The following ETNPPL variants were observed in gnomAD, a reference collection of about 807,000 sequenced individuals.
ETNPPL encodes the protein alanine--glyoxylate aminotransferase 2-like 1.
In ETNPPL, 30 loss-of-function variants were observed where a neutral mutation model predicts 55.5. The observed-to-expected ratio is 0.54, with a 90% confidence interval of 0.40 to 0.73. The LOEUF is 0.73. Ranked by LOEUF, ETNPPL falls within the 30% of genes least tolerant of loss-of-function variation. The pLI, the probability that ETNPPL is intolerant of heterozygous loss-of-function variation, is 0.00. For synonymous variants in ETNPPL, 202 were observed against 207.2 expected (o/e 0.98, Z 0.21); for missense variants, 528 against 607.9 (o/e 0.87, Z 1.38).
intron 12 of ETNPPL, 48 bp downstream of exon 12, chr4:108,743,741 C>A: frequency 2.3e-6 from 3 of 1,319,120 alleles, no homozygotes; most frequent in Non-Finnish European, 3.3e-6. Context: ...TTTAAACATT[C>A]CCCAAATTTT....
intron 11 of ETNPPL, among the ~76,000 whole-genome samples, chr4:108,744,798 T>C: frequency 6.9e-6 from 1 of 144,006 alleles, no homozygotes; most frequent in Non-Finnish European, 1.5e-5. Context: ...CACTGCAACC[T>C]CTGCCTTGCA....
Position 108,756,507 on chromosome 4 carries a change from T to G in ETNPPL, c.336-15A>C, listed in dbSNP as rs778445209. On this transcript the variant is annotated splice_polypyrimidine_tract_variant and intron_variant, in intron 3 of 12. Coordinates refer to ENST00000296486, the MANE Select transcript of ETNPPL (RefSeq NM_031279.4). ...TGGCTTCGGATCTATTAAGATAACA[T>G]AGAGAGAGAGGACACTGTGACAGTC... is the stretch of plus-strand genomic sequence containing the variant. The G allele has an allele frequency of 8.4e-5, 134 of 1,601,074 alleles. No individual in the cohort carries two copies. Among genetic ancestry groups the G allele is most frequent in the Admixed American group, 3.2e-4 (19 of 59,954 alleles).
chr4:108,759,201 C>T (rs567950218), intron 3 of ETNPPL, among the ~76,000 whole-genome samples: 21 of 151,770 alleles, frequency 1.4e-4, no homozygotes, highest in Non-Finnish European at 1.8e-4. Context: ...CAGTGGCTCA[C>T]GCCTGTAATC....
chr4:108,749,646 A>G (rs758166956), intron 7 of ETNPPL, among the ~76,000 whole-genome samples, 183 bp from the exon 8 acceptor site: 1 of 152,178 alleles, frequency 6.6e-6, no homozygotes, highest in African/African-American at 2.4e-5. Flanking sequence ...ATATAATCAC[A>G]TAATTTTTAG....
intron 3 of ETNPPL, among the ~76,000 whole-genome samples, chr4:108,757,532 G>A (rs897041856): frequency 6.6e-6 from 1 of 152,150 alleles, no homozygotes; most frequent in Admixed American, 6.5e-5. Flanking sequence ...TAGCAATTTG[G>A]TAGGCCAAGG....
chr4:108,759,400 C>CAAAAAAAAAAAAAAAAAAAAAAAAAAA (rs59227589), intron 3 of ETNPPL, among the ~76,000 whole-genome samples: 1 of 70,282 alleles, frequency 1.4e-5, no homozygotes, highest in African/African-American at 4.7e-5. Context: ...GGCTCCATCT[C>CAAAAAAAAAAAAAAAAAAAAAAAAAAA]AAAAAAAAAA....
In ETNPPL at chr4:108,749,736, T is replaced by C. The variant is rs564838244; in HGVS notation, c.702-273A>G. The stretch of plus-strand genomic sequence containing the variant: ...CAGTATTTTTTTTTAAGAGATGGGG[T>C]CTCACTCTGTTGCCCAGGCTGGAGT... On this transcript the variant is annotated intron_variant, in intron 7 of 12. Transcript: ENST00000296486. Among the ~76,000 whole-genome samples, 10 of 152,130 alleles carry C rather than the reference T, an allele frequency of 6.6e-5. No homozygotes were observed. The South Asian group carries it at 2.1e-3, about 32-fold the overall frequency.
intron 4 of ETNPPL, among the ~76,000 whole-genome samples, chr4:108,755,541 C>T (rs1203307478): frequency 1.3e-5 from 2 of 152,034 alleles, no homozygotes; most frequent in African/African-American, 4.8e-5. Context: ...CGTAGGCTAG[C>T]CTCGGTGGCT....
chr4:108,744,837 A>G (rs919924778), intron 11 of ETNPPL, among the ~76,000 whole-genome samples: 1 of 151,602 alleles, frequency 6.6e-6, no homozygotes, highest in Non-Finnish European at 1.5e-5. Flanking sequence ...ACCTCAGCCA[A>G]GTCCCAAGTA....
intron 11 of ETNPPL, among the ~76,000 whole-genome samples, chr4:108,745,071 C>G (rs1444156188): frequency 6.6e-6 from 1 of 152,064 alleles, no homozygotes; most frequent in East Asian, 1.9e-4. Context: ...ACGACAATAT[C>G]TATCATTTTT....
intron 9 of ETNPPL, among the ~76,000 whole-genome samples, chr4:108,747,596 G>A (rs1418917483): frequency 4.6e-5 from 7 of 151,452 alleles, no homozygotes; most frequent in African/African-American, 7.3e-5. Flanking sequence ...CACCACATCC[G>A]GCCCCACCCA....
In ETNPPL at chr4:108,742,347, C is replaced by T; in HGVS notation, c.*137G>A. 1.2e-6 allele frequency: 1 copy of T among 819,086 alleles called. No individual in the cohort carries two copies. 50.7% of individuals were successfully genotyped at this position (819,086 alleles called of 1,614,324 possible). A position where few individuals can be genotyped will look rare whatever the true frequency, so the allele number is the denominator to read the frequency against. ...ATTATCACTTGGTTTATTCTGATTA[C>T]TCATTTACCTTTTCATTTATGAATC... is the stretch of plus-strand genomic sequence containing the variant. On this transcript the variant is annotated 3_prime_UTR_variant, in exon 13 of 13. Coordinates refer to ENST00000296486, the MANE Select transcript of ETNPPL (RefSeq NM_031279.4).
chr4:108,762,052 A>G (rs1179877631), intron 1 of ETNPPL: 1 of 192,404 alleles, frequency 5.2e-6, no homozygotes, highest in African/African-American at 2.3e-5. Flanking sequence ...AAACACTAAC[A>G]TATTAATCTC....
rs960554529 is a variant in ETNPPL at position 108,746,393 on chromosome 4, A to G, written c.1303+6T>C. 6.2e-7 allele frequency: 1 copy of G among 1,611,194 alleles called. No individual in the cohort carries two copies. Among genetic ancestry groups the G allele is most frequent in the Non-Finnish European group, 8.5e-7 (1 of 1,178,978 alleles). ...AAGAAGACATCTTAAAGATCCATGG[A>G]CCCACCTGTTAGAATCCTATCAAGT... On this transcript the variant is annotated splice_donor_region_variant and intron_variant, in intron 11 of 12. Transcript: ENST00000296486.
intron 5 of ETNPPL, among the ~76,000 whole-genome samples, chr4:108,753,749 T>A (rs867021632): frequency 7.8e-5 from 6 of 76,708 alleles, no homozygotes; most frequent in East Asian, 4.5e-4. Context: ...CTCAAATAAA[T>A]AAGAAAGAAA....
Position 108,749,447 on chromosome 4 carries a change from CT to C in ETNPPL, c.717del (p.Gly241ValfsTer4). Reference protein sequence around the residue: ...FQKVAEYVHGAGGVFIADEVQ... With the variant: ...FQKVAEYVHGXGGVFIADEVQ... ...ACTTCATCAGCTATAAACACACCCC[CT>C]GCACCGTGTACATATCTGAAAAGCA... On this transcript the variant is annotated frameshift_variant, in exon 8 of 13. Coordinates refer to ENST00000296486, the MANE Select transcript of ETNPPL (RefSeq NM_031279.4). LOFTEE classifies it high-confidence loss of function. The C allele has an allele frequency of 6.2e-7, 1 of 1,613,982 alleles. No individual in the cohort carries two copies. The highest frequency in any genetic ancestry group is 2.2e-5 in the East Asian group (1 of 44,868).
intron 3 of ETNPPL, 33 bp downstream of exon 3, chr4:108,759,716 G>A (rs761762146): frequency 1.9e-5 from 31 of 1,604,152 alleles, no homozygotes; most frequent in East Asian, 2.2e-5. Flanking sequence ...AGTTTAGTGG[G>A]AATGGGGAGG....
In ETNPPL at chr4:108,759,803, C is replaced by T. The variant is rs1243685018; in HGVS notation, c.281G>A (p.Arg94His). ...LHDNIVEYAKRLSATLPEKLS... is the reference protein window; with the variant it reads ...LHDNIVEYAKHLSATLPEKLS... ...TTTCTCCGGCAGAGTTGCTGAAAGGCGTTTGGCATACTCAACAATGTTGTC... is the reference window on the plus strand; with the variant it reads ...TTTCTCCGGCAGAGTTGCTGAAAGGTGTTTGGCATACTCAACAATGTTGTC... The change falls in exon 3 of 13, where the codon CGC becomes CAC. Residue 94 changes from arginine to histidine, a missense_variant. Physicochemically the swap from Arg to His is conservative, Grantham distance 29 (BLOSUM62 0). Transcript: ENST00000296486. 1.2e-6 allele frequency: 2 copies of T among 1,614,054 alleles called. No homozygotes were observed. The highest frequency in any genetic ancestry group is 1.7e-6 in the Non-Finnish European group (2 of 1,179,994).
At position 108,763,024 on chromosome 4, in the gene ETNPPL, GC is replaced by G; in HGVS notation, c.-127del. 1 of 827,214 alleles carries G rather than the reference GC, an allele frequency of 1.2e-6. No homozygotes were observed. Among genetic ancestry groups the G allele is most frequent in the South Asian group, 1.6e-5 (1 of 64,228 alleles). The allele number at this position is 827,214 out of a possible 1,614,324, so 51.2% of individuals were successfully genotyped here. A position where few individuals can be genotyped will look rare whatever the true frequency, so the allele number is the denominator to read the frequency against. The stretch of plus-strand genomic sequence containing the variant: ...CCGTTATCCCTCCTGGCGTTCTCTT[GC>G]CCGGGGCGTCGGAGGTCACCGGTGG... On this transcript the variant is annotated 5_prime_UTR_variant, in exon 1 of 13. Transcript: ENST00000296486.
Sources: gnomAD v4.1 joint callset for allele counts (sites outside exome capture counted in the v4.1 genomes callset) on GRCh38, gnomAD v4.1.1 for gene constraint, MANE v1.5 for transcripts, NCBI Gene and HGNC (gene_info 2026-07-23, HGNC 2026-07-21) for gene names.